Variants in PRKDC observed in about 807,000 individuals in gnomAD.
The protein encoded by PRKDC is protein kinase, DNA-activated, catalytic subunit.
In PRKDC, 82 loss-of-function variants were observed where a neutral mutation model predicts 486.9. The observed-to-expected ratio is 0.17, with a 90% CI of 0.14 to 0.20. The LOEUF is 0.20. Ranked by LOEUF, PRKDC falls within the 10% of genes least tolerant of loss-of-function variation. The pLI is 1.00. For missense variants in PRKDC, 4,504 were observed against 5,038.2 expected, an observed-to-expected ratio of 0.89 and a Z score of 3.21; for synonymous variants, 1,895 against 1,837.0, an observed-to-expected ratio of 1.03 and a Z score of -0.81.
rs760274833 is a variant in PRKDC, at chr8:47,782,137, G to A, written c.11489+25C>T. On this transcript the variant is annotated intron_variant, in intron 80 of 85. Coordinates refer to ENST00000314191, the MANE Select transcript of PRKDC (RefSeq NM_006904.7). The surrounding 1 kb of genome is among the most constrained non-coding windows in gnomAD (Gnocchi z 4.9). ...AAGTGAGGGGAGGCGACTGCTGGGG[G>A]AGCAGGGCGTGTGGCCGCCCTTACC... is the stretch of plus-strand genomic sequence containing the variant. 1.9e-6 allele frequency: 3 copies of A among 1,595,372 alleles called. No individual in the cohort carries two copies. Among genetic ancestry groups the A allele is most frequent in the East Asian group, 2.2e-5 (1 of 44,780 alleles).
rs746246879 is a variant in PRKDC, at chr8:47,803,295, G to A, written c.9922+11C>T. 8.8e-6 allele frequency: 14 copies of A among 1,598,334 alleles called. No homozygotes were observed. Among genetic ancestry groups the A allele is most frequent in the South Asian group, 2.2e-5 (2 of 89,044 alleles). On this transcript the variant is annotated intron_variant, in intron 70 of 85. Transcript: ENST00000314191. ...CTTTAAGATATAAGTGGATAAAAGC[G>A]GTCAACTTACCCAACAAAGAGACTG...
chr8:47,774,387 A>C lies in PRKDC; in HGVS notation c.12183-10T>G. ...CAGGAGTAGCTCATCACTGGAAAAA[A>C]AACAAACACAGAAAACACAAAGCAT... is the stretch of plus-strand genomic sequence containing the variant. On this transcript the variant is annotated splice_polypyrimidine_tract_variant and intron_variant, in intron 85 of 85. Coordinates refer to ENST00000314191, the MANE Select transcript of PRKDC (RefSeq NM_006904.7). 2 of 1,609,938 alleles carry C rather than the reference A, an allele frequency of 1.2e-6. No homozygotes were observed. The highest frequency in any genetic ancestry group is 1.7e-6 in the Non-Finnish European group (2 of 1,178,684).
At chr8:47,803,663 A>G (rs1360006550) in intron 69 of PRKDC, among the ~76,000 whole-genome samples, 183 bp from the exon 70 acceptor site, 2 of 152,140 alleles carry the variant, frequency 1.3e-5, no homozygotes, top group African/African-American at 2.4e-5. Flanking sequence ...AAAGAGTACA[A>G]TTCAGGCCAG....
At chr8:47,841,524 C>T (rs2088144012) in intron 54 of PRKDC, among the ~76,000 whole-genome samples, 2 of 152,210 alleles carry the variant, frequency 1.3e-5, no homozygotes, top group South Asian at 2.1e-4. Context: ...CTTCGGCAAC[C>T]CCAGCACAGT....
In PRKDC at chr8:47,819,390, GA is replaced by G; in HGVS notation, c.9445+11del. 2 of 1,464,094 alleles carry G rather than the reference GA, an allele frequency of 1.4e-6. No individual in the cohort carries two copies. The highest frequency in any genetic ancestry group is 2.5e-5 in the Admixed American group (1 of 40,488). 90.7% of individuals were successfully genotyped at this position (1,464,094 alleles called of 1,614,324 possible). A position where few individuals can be genotyped will look rare whatever the true frequency, so the allele number is the denominator to read the frequency against. ...TTAGAAATGAAAAAAAAAGACCGAT[GA>G]AAAAAATTACCTTGTTTGCTTATAA... On this transcript the variant is annotated intron_variant, in intron 67 of 85. Transcript: ENST00000314191.
Position 47,914,008 on chromosome 8 carries a change from G to A in PRKDC, c.2674C>T (p.Leu892=). 6.2e-7 allele frequency: 1 copy of A among 1,600,790 alleles called. No homozygotes were observed. Among genetic ancestry groups the A allele is most frequent in the Non-Finnish European group, 8.5e-7 (1 of 1,173,282 alleles). The change falls in exon 24 of 86, where the codon CTG becomes TTG. Residue 892 remains leucine (L), a synonymous_variant. Transcript: ENST00000314191. ...TCTCTAAAGGGCACTGCAAAGCTCAGCCGCTTCTCTCTGTCCCAGGCCACA... is the reference window on the plus strand; with the variant it reads ...TCTCTAAAGGGCACTGCAAAGCTCAACCGCTTCTCTCTGTCCCAGGCCACA... ...SYVAWDREKR[L]SFAVPFREMK... is the part of the protein sequence containing the mutation.
intron 21 of PRKDC, among the ~76,000 whole-genome samples, chr8:47,926,192 A>C (rs2090154609): frequency 6.6e-6 from 1 of 152,108 alleles, no homozygotes; most frequent in Non-Finnish European, 1.5e-5. Context: ...AAATAATGGC[A>C]CTCCTTATAT....
chr8:47,937,261 A>AAAAT (rs887621919), intron 11 of PRKDC, among the ~76,000 whole-genome samples: 4 of 152,132 alleles, frequency 2.6e-5, no homozygotes, highest in Non-Finnish European at 4.4e-5. Context: ...TCCACCTCAA[A>AAAAT]AAATAAATAA....
chr8:47,856,929 A>G (rs1483984638), intron 49 of PRKDC, among the ~76,000 whole-genome samples: 1 of 152,236 alleles, frequency 6.6e-6, no homozygotes, highest in Non-Finnish European at 1.5e-5. Context: ...CAAACACCTG[A>G]CAGCTTCATA....
At chr8:47,832,387 C>T (rs766544679) in intron 59 of PRKDC, among the ~76,000 whole-genome samples, 1 of 152,156 alleles carries the variant, frequency 6.6e-6, no homozygotes, top group Non-Finnish European at 1.5e-5. Flanking sequence ...CTCCAAATCA[C>T]GACAGGTTCT....
At chr8:47,927,395 TA>T (rs750241672) in intron 20 of PRKDC, 42 bp from the exon 21 acceptor site, 203 of 1,565,554 alleles carry the variant, frequency 1.3e-4, no homozygotes, top group Admixed American at 2.5e-4. Context: ...ACGCAGGAAA[TA>T]TAAGATTTAG....
intron 27 of PRKDC, among the ~76,000 whole-genome samples, chr8:47,901,804 A>C (rs2089689237): frequency 6.6e-6 from 1 of 152,190 alleles, no homozygotes; most frequent in Admixed American, 6.5e-5. Flanking sequence ...ATGTGAGGTT[A>C]CACAGGTAAA....
chr8:47,923,321 G>A (rs527702519), intron 21 of PRKDC, among the ~76,000 whole-genome samples: 1 of 152,214 alleles, frequency 6.6e-6, no homozygotes, highest in African/African-American at 2.4e-5. Context: ...CAAGTTATGG[G>A]ATTACAGGCG....
At chr8:47,939,329 C>A (rs1368346247) in intron 11 of PRKDC, among the ~76,000 whole-genome samples, 2 of 152,190 alleles carry the variant, frequency 1.3e-5, no homozygotes, top group South Asian at 2.1e-4. Flanking sequence ...TACAAAAGGT[C>A]AGCCCTCTAT....
At chr8:47,775,645 T>G (rs1429839074) in intron 85 of PRKDC, among the ~76,000 whole-genome samples, 2 of 152,072 alleles carry the variant, frequency 1.3e-5, no homozygotes, top group Non-Finnish European at 2.9e-5. Context: ...TGCAAATATT[T>G]TATCCCATTT....
intron 16 of PRKDC, among the ~76,000 whole-genome samples, chr8:47,931,854 G>A (rs901634575): frequency 4.6e-5 from 7 of 152,140 alleles, no homozygotes; most frequent in African/African-American, 1.7e-4. Context: ...CCAATGCCTC[G>A]GACCAGAGCA....
At chr8:47,776,220 C>G (rs2086606777) in intron 85 of PRKDC, among the ~76,000 whole-genome samples, 1 of 152,186 alleles carries the variant, frequency 6.6e-6, no homozygotes, top group Non-Finnish European at 1.5e-5. Context: ...AAGGACCTAA[C>G]TTCATTCTTT....
chr8:47,959,146 T>C (rs1049118810), intron 1 of PRKDC: 5 of 152,180 alleles, frequency 3.3e-5, no homozygotes, highest in African/African-American at 1.2e-4. Context: ...AAGGTCTGCA[T>C]ACTCGTGTTT....
Position 47,846,773 on chromosome 8 carries a change from A to T in PRKDC, c.7280+2381T>A, listed in dbSNP as rs139827472. Among the ~76,000 whole-genome samples the T allele has an allele frequency of 4.3e-3, 658 of 152,228 alleles. 2 individuals are homozygous for T. The highest frequency in any genetic ancestry group is 7.0e-3 in the Non-Finnish European group (479 of 68,036). ...AGAAAACCCTAAAGACTCTGACAAA[A>T]CGTTCCTAGAACTGATAAATGACTT... On this transcript the variant is annotated intron_variant, in intron 54 of 85. Coordinates refer to ENST00000314191, the MANE Select transcript of PRKDC (RefSeq NM_006904.7).
Sources: allele counts gnomAD v4.1 joint callset (sites outside exome capture counted in the v4.1 genomes callset), GRCh38; gene constraint gnomAD v4.1.1; non-coding constraint Gnocchi (gnomAD v3.1); transcripts MANE v1.5; gene names NCBI Gene and HGNC (gene_info 2026-07-23, HGNC 2026-07-21).